EDARADD: variants seen among roughly 807,000 people sequenced by gnomAD.
The protein encoded by EDARADD is EDAR associated via death domain.
A neutral mutation model predicts 25.6 loss-of-function variants in EDARADD; 20 were observed. That is an observed-to-expected ratio of 0.78 (90% CI 0.55 to 1.14). EDARADD has a LOEUF of 1.14. Ranked by LOEUF, EDARADD falls within the 50% of genes most tolerant of loss-of-function variation. The pLI, the probability that EDARADD is intolerant of heterozygous loss-of-function variation, is 0.00. For missense variants in EDARADD, 225 were observed against 270.1 expected, an observed-to-expected ratio of 0.83 and a Z score of 1.17; for synonymous variants, 86 against 94.4, an observed-to-expected ratio of 0.91 and a Z score of 0.52.
chr1:236,361,531 T>C (rs914726606), intron 3 of EDARADD, among the ~76,000 whole-genome samples: 9 of 151,662 alleles, frequency 5.9e-5, no homozygotes, highest in African/African-American at 2.2e-4. Flanking sequence ...GGTTTTGCCA[T>C]GTTGGCCAGG....
intron 3 of EDARADD, among the ~76,000 whole-genome samples, chr1:236,424,154 C>CTT (rs34454343): frequency 0.08 from 5,908 of 74,194 alleles, 238 homozygotes; most frequent in South Asian, 0.11. Flanking sequence ...TGTGAAGCAT[C>CTT]TTTTTTTTTT....
chr1:236,401,030 T>A (rs1213780636), intron 1 of EDARADD, among the ~76,000 whole-genome samples: 2 of 151,864 alleles, frequency 1.3e-5, no homozygotes, highest in Admixed American at 1.3e-4. Context: ...AAACCCCATG[T>A]CTAATAAAAA....
At chr1:236,363,034 A>ATATATAT (rs1553262251) in intron 3 of EDARADD, among the ~76,000 whole-genome samples, 2 of 84,360 alleles carry the variant, frequency 2.4e-5, no homozygotes, top group African/African-American at 4.6e-5. Flanking sequence ...TATATATATA[A>ATATATAT]AATTTGTGTA....
intron 4 of EDARADD, among the ~76,000 whole-genome samples, chr1:236,446,308 T>G (rs776159820): frequency 6.6e-6 from 1 of 152,096 alleles, no homozygotes; most frequent in Admixed American, 6.6e-5. Flanking sequence ...TAGAAAGTCA[T>G]AAGGAGGCCG....
intron 3 of EDARADD, among the ~76,000 whole-genome samples, chr1:236,362,908 G>A (rs1667066223): frequency 7.0e-6 from 1 of 143,752 alleles, no homozygotes; most frequent in African/African-American, 2.6e-5. Flanking sequence ...GCTCATGCCT[G>A]TAATCCCAGC....
At chr1:236,349,263 C>T (rs943245968) in intron 2 of EDARADD, among the ~76,000 whole-genome samples, 1 of 134,962 alleles carries the variant, frequency 7.4e-6, no homozygotes, top group Admixed American at 7.2e-5. Flanking sequence ...CTCCATCTCC[C>T]GGGTTCAAAG....
At chr1:236,468,011 A>G (rs1263681906) in intron 4 of EDARADD, among the ~76,000 whole-genome samples, 1 of 152,160 alleles carries the variant, frequency 6.6e-6, no homozygotes, top group Non-Finnish European at 1.5e-5. Flanking sequence ...CTGGGACAGC[A>G]CAGGGAGCAA....
In EDARADD at chr1:236,380,935, A is replaced by G. The variant is rs78941796; in HGVS notation, c.-5-28281A>G. ...TTGGGGTATAATTGCCATAGAATCA[A>G]CTGCACATATGTCAAGTGCACAACT... On this transcript the variant is annotated intron_variant, in intron 3 of 7. Coordinates refer to the EDARADD transcript ENST00000439430. 0.023 allele frequency among the ~76,000 whole-genome samples: 3,547 copies of G among 152,218 alleles called. 254 individuals are homozygous for G. The East Asian group carries it at 0.3, about 13-fold the overall frequency.
chr1:236,427,667 A>G (rs1387285084), intron 4 of EDARADD, among the ~76,000 whole-genome samples: 1 of 152,162 alleles, frequency 6.6e-6, no homozygotes, highest in Non-Finnish European at 1.5e-5. Context: ...ATTCTTTGAA[A>G]TACTCTTCTA....
chr1:236,474,609 C>G (rs1558137361), intron 5 of EDARADD, among the ~76,000 whole-genome samples: 1 of 152,206 alleles, frequency 6.6e-6, no homozygotes. Context: ...TATTTTCCAT[C>G]AATATCTATT....
intron 4 of EDARADD, among the ~76,000 whole-genome samples, chr1:236,459,612 T>C (rs200995352): frequency 4.5e-3 from 94 of 20,708 alleles, no homozygotes; most frequent in Non-Finnish European, 0.013. Flanking sequence ...TATTTAGCTC[T>C]TTTTTTTTTT....
intron 3 of EDARADD, among the ~76,000 whole-genome samples, chr1:236,379,604 C>T (rs1233279264): frequency 6.6e-6 from 1 of 151,922 alleles, no homozygotes; most frequent in Admixed American, 6.5e-5. Flanking sequence ...CACGGCGAAA[C>T]ACCATCTCTA....
chr1:236,408,344 A>T (rs1009393494), intron 1 of EDARADD, among the ~76,000 whole-genome samples: 22 of 152,164 alleles, frequency 1.4e-4, no homozygotes, highest in African/African-American at 5.1e-4. Context: ...CTGGGACTAC[A>T]GGTGTGCACC....
intron 4 of EDARADD, among the ~76,000 whole-genome samples, chr1:236,436,496 G>A (rs1393493319): frequency 6.6e-6 from 1 of 151,790 alleles, no homozygotes; most frequent in Non-Finnish European, 1.5e-5. Flanking sequence ...GTGTGGTGGT[G>A]CACACTTGTA....
rs1242530253 is a variant in EDARADD, at chr1:236,431,854, G to A, written c.219+4404G>A. On this transcript the variant is annotated intron_variant, in intron 4 of 5. Transcript: ENST00000334232. Reference sequence around the variant, plus strand: ...GAGAATGGCGTGAACCCGGGAAGCGGAGCTTGCAGTGAGCCGAGATTGCGC... The same window carrying A: ...GAGAATGGCGTGAACCCGGGAAGCGAAGCTTGCAGTGAGCCGAGATTGCGC... Among the ~76,000 whole-genome samples the A allele has an allele frequency of 6.6e-4, 38 of 57,234 alleles. 6 individuals carry two copies. The highest frequency in any genetic ancestry group is 1.3e-3 in the Admixed American group (7 of 5,362). 37.5% of individuals were successfully genotyped at this position (57,234 alleles called of 152,430 possible). A position where few individuals can be genotyped will look rare whatever the true frequency, so the allele number is the denominator to read the frequency against.
chr1:236,384,804 A>G (rs1667333836), intron 3 of EDARADD, among the ~76,000 whole-genome samples: 1 of 151,932 alleles, frequency 6.6e-6, no homozygotes, highest in Non-Finnish European at 1.5e-5. Flanking sequence ...CTCCTGGCCC[A>G]TTTTCAGACA....
chr1:236,378,988 A>G lies in EDARADD; in HGVS notation c.-6+28149A>G, dbSNP rs140124348. The stretch of plus-strand genomic sequence containing the variant: ...GGATGAGGAGAGAGGGATAAAAATT[A>G]TTCTTTCCAGAGCTACAAGTCTCTG... On this transcript the variant is annotated intron_variant, in intron 3 of 7. Coordinates refer to the EDARADD transcript ENST00000439430. Among the ~76,000 whole-genome samples, 9 of 152,240 alleles carry G rather than the reference A, an allele frequency of 5.9e-5. No homozygotes were observed. In the East Asian group the frequency reaches 1.7e-3, roughly 29 times the overall value.
chr1:236,432,521 A>C (rs538843944), intron 4 of EDARADD, among the ~76,000 whole-genome samples: 74 of 152,338 alleles, frequency 4.9e-4, no homozygotes, highest in African/African-American at 1.7e-3. Flanking sequence ...AAGTTATGAA[A>C]ATAATGACAT....
intron 3 of EDARADD, among the ~76,000 whole-genome samples, chr1:236,368,313 C>T (rs1050469053): frequency 7.2e-5 from 11 of 152,094 alleles, no homozygotes; most frequent in South Asian, 2.1e-4. Context: ...CCTTATGTCC[C>T]GTAGAAATCT....
Sources: gnomAD v4.1 joint callset for allele counts (sites outside exome capture counted in the v4.1 genomes callset) on GRCh38, gnomAD v4.1.1 for gene constraint, MANE v1.5 for transcripts, NCBI Gene and HGNC (gene_info 2026-07-23, HGNC 2026-07-21) for gene names.